DLG2: variants seen among roughly 807,000 people sequenced by gnomAD.
DLG2 encodes the protein disks large homolog 2.
DLG2 carries 45 observed loss-of-function variants against 132.5 expected under a neutral mutation model. The ratio of observed to expected loss-of-function variants is 0.34; its 90% confidence interval spans 0.27 to 0.44. DLG2 has a LOEUF of 0.44. DLG2 is among the 20% of genes least tolerant of loss of function. The pLI is 1.00. For synonymous variants in DLG2, 424 were observed against 419.6 expected (o/e 1.01, Z -0.13); for missense variants, 1,045 against 1,196.9 (o/e 0.87, Z 1.87).
At position 83,518,845 on chromosome 11, in the gene DLG2, T is replaced by TA. The variant is rs901710143; in HGVS notation, c.2193+13862dup. ...AAAATGAGAATTAACGATAAATAAA[T>TA]AAAAAAAAGAAGTTTGTTCCTGGGG... On this transcript the variant is annotated intron_variant, in intron 21 of 27. Coordinates refer to ENST00000376104, the MANE Select transcript of DLG2 (RefSeq NM_001142699.3). Among the ~76,000 whole-genome samples, 138 of 151,858 alleles carry TA rather than the reference T, an allele frequency of 9.1e-4. 2 individuals are homozygous for TA. Among genetic ancestry groups the TA allele is most frequent in the African/African-American group, 3.2e-3 (134 of 41,408 alleles).
chr11:84,171,068 A>G (rs1292654132), intron 8 of DLG2, among the ~76,000 whole-genome samples: 2 of 152,138 alleles, frequency 1.3e-5, no homozygotes, highest in East Asian at 3.9e-4. Context: ...GGACATTACC[A>G]TAAGCATTTT....
Position 84,787,002 on chromosome 11 carries a change from C to G in DLG2, c.358-252271G>C, listed in dbSNP as rs183230102. Among the ~76,000 whole-genome samples, 36 of 152,166 alleles carry G rather than the reference C, an allele frequency of 2.4e-4. No homozygotes were observed. The East Asian group carries it at 6.8e-3, about 29-fold the overall frequency. On this transcript the variant is annotated intron_variant, in intron 6 of 27. Coordinates refer to ENST00000376104, the MANE Select transcript of DLG2 (RefSeq NM_001142699.3). ...AAAAATTCAGATCTAATCTAGGAAC[C>G]CAAACCAATCTAATTAGAGTGTCTG...
chr11:84,047,397 C>T (rs930542081), intron 11 of DLG2, among the ~76,000 whole-genome samples: 2 of 151,582 alleles, frequency 1.3e-5, no homozygotes, highest in Non-Finnish European at 3.0e-5. Context: ...AGGATTTCAA[C>T]TTAGGTCCTA....
intron 19 of DLG2, among the ~76,000 whole-genome samples, chr11:83,599,665 TTG>T (rs773300666): frequency 5.3e-5 from 8 of 152,134 alleles, no homozygotes; most frequent in Non-Finnish European, 1.2e-4. Flanking sequence ...CCACTAGACA[TTG>T]TGTTTTTTGA....
intron 19 of DLG2, among the ~76,000 whole-genome samples, chr11:83,555,001 C>T (rs1243082644): frequency 3.3e-5 from 5 of 152,222 alleles, no homozygotes; most frequent in Non-Finnish European, 2.9e-5. Flanking sequence ...CAGTACAACA[C>T]ATCATAAAAA....
At chr11:84,871,283 GA>G (rs2085418819) in intron 6 of DLG2, among the ~76,000 whole-genome samples, 1 of 152,158 alleles carries the variant, frequency 6.6e-6, no homozygotes, top group Admixed American at 6.5e-5. Flanking sequence ...TTTTTCTAAA[GA>G]ACCACAAGTG....
chr11:84,028,800 C>T (rs2095611462), intron 11 of DLG2, among the ~76,000 whole-genome samples: 1 of 152,060 alleles, frequency 6.6e-6, no homozygotes, highest in African/African-American at 2.4e-5. Context: ...TAGCAATAAC[C>T]TCTCCTTCTT....
intron 7 of DLG2, among the ~76,000 whole-genome samples, chr11:84,490,772 A>G (rs2099162888): frequency 6.6e-6 from 1 of 152,152 alleles, no homozygotes; most frequent in East Asian, 1.9e-4. Flanking sequence ...TCAAAACCCA[A>G]TGGAACCAAA....
At chr11:83,689,084 C>T (rs951610990) in intron 18 of DLG2, among the ~76,000 whole-genome samples, 1 of 152,124 alleles carries the variant, frequency 6.6e-6, no homozygotes, top group Non-Finnish European at 1.5e-5. Flanking sequence ...TAATAGCTAA[C>T]TACACAGCTG....
chr11:84,798,692 G>A (rs929886646), intron 6 of DLG2, among the ~76,000 whole-genome samples: 1 of 152,194 alleles, frequency 6.6e-6, no homozygotes, highest in Non-Finnish European at 1.5e-5. Context: ...TGGTCCCTGA[G>A]GCCAGCACAT....
intron 11 of DLG2, among the ~76,000 whole-genome samples, chr11:84,028,375 T>G (rs1184135530): frequency 6.6e-6 from 1 of 152,102 alleles, no homozygotes; most frequent in Non-Finnish European, 1.5e-5. Context: ...TTGCTCATGA[T>G]TAATCACAGG....
At chr11:84,946,742 C>T (rs915929140) in intron 6 of DLG2, among the ~76,000 whole-genome samples, 1 of 152,168 alleles carries the variant, frequency 6.6e-6, no homozygotes, top group African/African-American at 2.4e-5. Flanking sequence ...AGGTCATGTG[C>T]ATCCCACGTT....
intron 8 of DLG2, among the ~76,000 whole-genome samples, chr11:84,241,903 G>T (rs1344417555): frequency 6.6e-6 from 1 of 152,146 alleles, no homozygotes; most frequent in Non-Finnish European, 1.5e-5. Flanking sequence ...GGAGGAGCTG[G>T]AGATCCCACG....
At chr11:83,522,405 T>C (rs2095504194) in intron 21 of DLG2, among the ~76,000 whole-genome samples, 1 of 152,094 alleles carries the variant, frequency 6.6e-6, no homozygotes, top group South Asian at 2.1e-4. Flanking sequence ...GCCAGAGCGG[T>C]ATCCAGTGCA....
At chr11:85,423,662 G>A (rs1247834303) in intron 3 of DLG2, among the ~76,000 whole-genome samples, 1 of 152,112 alleles carries the variant, frequency 6.6e-6, no homozygotes, top group East Asian at 1.9e-4. Flanking sequence ...GTTCCTAGGA[G>A]GATTATGACT....
At chr11:85,535,449 CTGAA>C (rs2075517179) in intron 3 of DLG2, among the ~76,000 whole-genome samples, 3 of 151,934 alleles carry the variant, frequency 2.0e-5, no homozygotes, top group African/African-American at 4.8e-5. Flanking sequence ...GTTGAATAAA[CTGAA>C]TGAATGAAGA....
intron 3 of DLG2, among the ~76,000 whole-genome samples, chr11:85,532,899 G>A (rs1036955002): frequency 3.3e-5 from 5 of 151,778 alleles, no homozygotes; most frequent in Non-Finnish European, 5.9e-5. Flanking sequence ...AAAATTCCAC[G>A]AAACAAAAAA....
Position 84,539,155 on chromosome 11 carries a change from G to C in DLG2, c.358-4424C>G, listed in dbSNP as rs184846771. ...ATCCATCATCACCATATGAGACATA[G>C]GTGTTATTCTCTTTATCTTAGACTC... On this transcript the variant is annotated intron_variant, in intron 6 of 27. Coordinates refer to ENST00000376104, the MANE Select transcript of DLG2 (RefSeq NM_001142699.3). Among the ~76,000 whole-genome samples, 14 of 152,224 alleles carry C rather than the reference G, an allele frequency of 9.2e-5. No individual in the cohort carries two copies. The East Asian group carries it at 2.7e-3, about 29-fold the overall frequency.
intron 3 of DLG2, among the ~76,000 whole-genome samples, chr11:85,596,442 G>A (rs1306924064): frequency 6.6e-6 from 1 of 151,990 alleles, no homozygotes; most frequent in African/African-American, 2.4e-5. Flanking sequence ...GTAGAGAGAG[G>A]GACTGGCTTC....
Sources: gnomAD v4.1 joint callset for allele counts (sites outside exome capture counted in the v4.1 genomes callset) on GRCh38, gnomAD v4.1.1 for gene constraint, MANE v1.5 for transcripts, NCBI Gene and HGNC (gene_info 2026-07-23, HGNC 2026-07-21) for gene names.